GMPS: variants seen among roughly 807,000 people sequenced by gnomAD.
The protein encoded by GMPS is guanosine monophosphate synthase.
Under a neutral mutation model 77.9 loss-of-function variants are expected in GMPS, and 15 were observed. That is an observed-to-expected ratio of 0.19 (90% CI 0.13 to 0.30). The LOEUF is 0.30. Ranked by LOEUF, GMPS falls within the 10% of genes least tolerant of loss-of-function variation. The probability of loss-of-function intolerance (pLI) is 1.00; values close to 1 mark genes in which losing one functional copy is unlikely to be tolerated. For synonymous variants in GMPS, 224 were observed against 275.9 expected, an observed-to-expected ratio of 0.81 and a Z score of 1.86; for missense variants, 590 against 838.8, an observed-to-expected ratio of 0.70 and a Z score of 3.66.
At chr3:155,912,675 T>C (rs992480789) in intron 7 of GMPS, among the ~76,000 whole-genome samples, 12 of 152,338 alleles carry the variant, frequency 7.9e-5, no homozygotes, top group African/African-American at 2.9e-4. Flanking sequence ...AGTATCTTAT[T>C]TGTTATTCTG....
intron 7 of GMPS, among the ~76,000 whole-genome samples, chr3:155,914,190 C>G (rs901748601): frequency 6.6e-6 from 1 of 152,030 alleles, no homozygotes; most frequent in South Asian, 2.1e-4. Flanking sequence ...TCGTGATCCA[C>G]CTGTCTCGGC....
chr3:155,914,579 G>C lies in GMPS; in HGVS notation c.1038+9G>C. ...GGGATACTTTTGTTAAGGTACCTTTGTTTTTAATATCCTCAACATGTACTA... is the reference window on the plus strand; with the variant it reads ...GGGATACTTTTGTTAAGGTACCTTTCTTTTTAATATCCTCAACATGTACTA... On this transcript the variant is annotated intron_variant, in intron 8 of 15. Coordinates refer to ENST00000496455, the MANE Select transcript of GMPS (RefSeq NM_003875.3). 6.5e-7 allele frequency: 1 copy of C among 1,535,400 alleles called. No homozygotes were observed. Among genetic ancestry groups the C allele is most frequent in the Non-Finnish European group, 8.8e-7 (1 of 1,134,348 alleles).
At position 155,870,732 on chromosome 3, in the gene GMPS, G is replaced by A. The variant is rs1281875761; in HGVS notation, c.-139G>A. 5.0e-6 allele frequency: 3 copies of A among 594,430 alleles called. No homozygotes were observed. Among genetic ancestry groups the A allele is most frequent in the Non-Finnish European group, 8.8e-6 (3 of 339,114 alleles). The allele number at this position is 594,430 out of a possible 1,614,324, so 36.8% of individuals were successfully genotyped here. On this transcript the variant is annotated 5_prime_UTR_variant, in exon 1 of 16. Coordinates refer to ENST00000496455, the MANE Select transcript of GMPS (RefSeq NM_003875.3). ...TTGCTCCATTCGGCGCTTTTCTGGC[G>A]GCTGGCTCCTCTCCGCTGCCGGCTG... is the stretch of plus-strand genomic sequence containing the variant.
Position 155,941,402 on chromosome 3 carries a change from C to CG in GMPS, c.*3710_*3711insG, listed in dbSNP as rs1553789819. 3 of 155,376 alleles carry CG rather than the reference C, an allele frequency of 1.9e-5. No individual in the cohort carries two copies. Among genetic ancestry groups the CG allele is most frequent in the African/African-American group, 8.3e-5 (3 of 36,176 alleles). The allele number at this position is 155,376 out of a possible 1,614,324, so 9.6% of individuals were successfully genotyped here. A position where few individuals can be genotyped will look rare whatever the true frequency, so the allele number is the denominator to read the frequency against. On this transcript the variant is annotated 3_prime_UTR_variant, in exon 16 of 16. Transcript: ENST00000496455. ...CTGGTGAAAGAGCGAGACTCAGTCT[C>CG]AAAAAAAAAAAAAAAAGGAAGTTCT...
At chr3:155,908,703 A>G (rs1024954688) in intron 5 of GMPS, among the ~76,000 whole-genome samples, 2 of 152,212 alleles carry the variant, frequency 1.3e-5, no homozygotes, top group African/African-American at 4.8e-5. Context: ...CTGAGGAACC[A>G]AAAGGAAGAT....
intron 4 of GMPS, among the ~76,000 whole-genome samples, chr3:155,905,052 C>G (rs528762354): frequency 6.6e-6 from 1 of 151,904 alleles, no homozygotes; most frequent in African/African-American, 2.4e-5. Flanking sequence ...GAGTCTCACT[C>G]TGTCGCACGC....
At chr3:155,933,946 G>A (rs1755696001) in intron 13 of GMPS, among the ~76,000 whole-genome samples, 1 of 152,156 alleles carries the variant, frequency 6.6e-6, no homozygotes, top group Non-Finnish European at 1.5e-5. Flanking sequence ...GTATCTTCAT[G>A]TCTTTCAAAC....
At chr3:155,880,917 C>T (rs924449536) in intron 1 of GMPS, among the ~76,000 whole-genome samples, 15 of 151,272 alleles carry the variant, frequency 9.9e-5, no homozygotes, top group African/African-American at 2.9e-4. Flanking sequence ...AATAAGTGTG[C>T]GTTTGTATTT....
At chr3:155,921,386 G>A (rs78747545) in intron 10 of GMPS, among the ~76,000 whole-genome samples, 3,278 of 152,210 alleles carry the variant, frequency 0.022, 140 homozygotes, top group African/African-American at 0.074. Flanking sequence ...GATAAGTAAG[G>A]TAGTTAATTA....
chr3:155,894,780 T>TACC (rs1227671809), intron 2 of GMPS, among the ~76,000 whole-genome samples: 2 of 152,346 alleles, frequency 1.3e-5, no homozygotes, highest in East Asian at 3.9e-4. Context: ...GGTTCTGAAG[T>TACC]AGAGTGAATT....
chr3:155,910,202 G>A (rs1577519509), intron 5 of GMPS, among the ~76,000 whole-genome samples: 4 of 151,056 alleles, frequency 2.6e-5, no homozygotes, highest in South Asian at 2.1e-4. Flanking sequence ...AGCCAAGATC[G>A]CACCGCTGCA....
At chr3:155,904,887 A>G (rs1754832642) in intron 4 of GMPS, among the ~76,000 whole-genome samples, 1 of 152,236 alleles carries the variant, frequency 6.6e-6, no homozygotes, top group Non-Finnish European at 1.5e-5. Context: ...CACAACCTAT[A>G]CTATTCCTAA....
At chr3:155,922,351 T>C (rs374001562) in intron 11 of GMPS, 49 bp downstream of exon 11, 5 of 718,202 alleles carry the variant, frequency 7.0e-6, no homozygotes, top group Non-Finnish European at 1.1e-5. Flanking sequence ...CGGATTCTTA[T>C]TATATACCAG....
At chr3:155,904,493 T>C (rs1754822207) in intron 4 of GMPS, among the ~76,000 whole-genome samples, 1 of 152,128 alleles carries the variant, frequency 6.6e-6, no homozygotes, top group Non-Finnish European at 1.5e-5. Context: ...TGTCACTATA[T>C]TGGCCAGATT....
rs556794184 is a variant in GMPS at position 155,919,705 on chromosome 3, G to A, written c.1318+367G>A. On this transcript the variant is annotated intron_variant, in intron 10 of 15. Coordinates refer to ENST00000496455, the MANE Select transcript of GMPS (RefSeq NM_003875.3). Reference sequence around the variant, plus strand: ...GTACCATACCGCAGTGCGTTCCATGGAAGATGTGAGGATTTAAATTTAGCT... The same window carrying A: ...GTACCATACCGCAGTGCGTTCCATGAAAGATGTGAGGATTTAAATTTAGCT... Among the ~76,000 whole-genome samples the A allele has an allele frequency of 6.8e-4, 103 of 152,340 alleles. 1 individual carries two copies. The highest frequency in any genetic ancestry group is 1.1e-3 in the Non-Finnish European group (78 of 68,028).
intron 12 of GMPS, among the ~76,000 whole-genome samples, chr3:155,928,019 C>CTTTTTTTTTTTT (rs35962523): frequency 7.4e-5 from 5 of 67,844 alleles, no homozygotes; most frequent in Middle Eastern, 0.018. Flanking sequence ...GCATTTTACA[C>CTTTTTTTTTTTT]TTTTTTTTTT....
At chr3:155,882,307 G>A (rs76512219) in intron 1 of GMPS, among the ~76,000 whole-genome samples, 1 of 152,240 alleles carries the variant, frequency 6.6e-6, no homozygotes, top group Admixed American at 6.5e-5. Flanking sequence ...CATAAGTACA[G>A]TGAAGAATAT....
In GMPS at chr3:155,911,098, T is replaced by C. The variant is rs878899134; in HGVS notation, c.721-16T>C. 1 of 1,571,364 alleles carries C rather than the reference T, an allele frequency of 6.4e-7. No homozygotes were observed. On this transcript the variant is annotated splice_polypyrimidine_tract_variant and intron_variant, in intron 6 of 15. Transcript: ENST00000496455. Reference sequence around the variant, plus strand: ...TGCTTGTTTTGCTCATTTTGATTTTTCATTTTACCCCGTAGGTTTTACTCA... The same window carrying C: ...TGCTTGTTTTGCTCATTTTGATTTTCCATTTTACCCCGTAGGTTTTACTCA...
chr3:155,870,767 C>T lies in GMPS; in HGVS notation c.-104C>T, dbSNP rs950365216. On this transcript the variant is annotated 5_prime_UTR_variant, in exon 1 of 16. Coordinates refer to ENST00000496455, the MANE Select transcript of GMPS (RefSeq NM_003875.3). ...TCTCCGCTGCCGGCTGCTCCTCGAC[C>T]AGGCCTCCTTCTCAACCTCAGCCCG... 2.7e-6 allele frequency: 2 copies of T among 741,470 alleles called. No homozygotes were observed. The highest frequency in any genetic ancestry group is 4.4e-6 in the Non-Finnish European group (2 of 449,924). 45.9% of individuals were successfully genotyped at this position (741,470 alleles called of 1,614,324 possible). A position where few individuals can be genotyped will look rare whatever the true frequency, so the allele number is the denominator to read the frequency against.
Sources: allele counts gnomAD v4.1 joint callset (sites outside exome capture counted in the v4.1 genomes callset), GRCh38; gene constraint gnomAD v4.1.1; transcripts MANE v1.5; gene names NCBI Gene and HGNC (gene_info 2026-07-23, HGNC 2026-07-21).